The following ZBTB38 variants were observed in gnomAD, a reference collection of about 807,000 sequenced individuals.
ZBTB38 encodes zinc finger and BTB domain-containing protein 38.
A neutral mutation model predicts 76.8 loss-of-function variants in ZBTB38; 20 were observed. The ratio of observed to expected loss-of-function variants is 0.26; its 90% CI spans 0.18 to 0.38. The LOEUF is 0.38. Ranked by LOEUF, ZBTB38 falls within the 10% of genes least tolerant of loss-of-function variation. The pLI is 1.00. For synonymous variants in ZBTB38, 504 were observed against 544.2 expected (o/e 0.93, Z 1.03); for missense variants, 1,082 against 1,482.3 (o/e 0.73, Z 4.43).
In ZBTB38 at chr3:141,358,981, G is replaced by T. The variant is rs536888825; in HGVS notation, c.-738-9640G>T. ...GGCGACCAAGGAGAGCCATTAGGAG[G>T]CCAGTGAGTAGCTGTTATGTGGTCA... On this transcript the variant is annotated intron_variant, in intron 1 of 7. Coordinates refer to the ZBTB38 transcript ENST00000509842. Among the ~76,000 whole-genome samples, 16 of 152,328 alleles carry T rather than the reference G, an allele frequency of 1.1e-4. No homozygotes were observed. In the East Asian group the frequency reaches 2.1e-3, roughly 20 times the overall value.
At chr3:141,377,360 G>A (rs1414994656) in intron 2 of ZBTB38, among the ~76,000 whole-genome samples, 2 of 152,212 alleles carry the variant, frequency 1.3e-5, no homozygotes, top group African/African-American at 2.4e-5. Context: ...AGCTCAGAAG[G>A]CCACAGAGCT....
intron 3 of ZBTB38, chr3:141,383,546 C>A (rs1010717319): frequency 6.6e-6 from 1 of 152,176 alleles, no homozygotes; most frequent in Non-Finnish European, 1.5e-5. Context: ...ACCAAGTATT[C>A]CTCTGGGACT....
rs77094062 is a variant in ZBTB38, at chr3:141,421,278, CTT to C, written c.-1+17266_-1+17267del. Reference sequence around the variant, plus strand: ...GAACCAGGAGTCTAGAAACTTCTCTCTTTTTTTTTTTTTTTTTTTTCTGTTTT... The same window carrying C: ...GAACCAGGAGTCTAGAAACTTCTCTCTTTTTTTTTTTTTTTTTTCTGTTTT... On this transcript the variant is annotated intron_variant, in intron 5 of 5. Coordinates refer to ENST00000321464, the MANE Select transcript of ZBTB38 (RefSeq NM_001376113.1). Among the ~76,000 whole-genome samples, 137 of 125,666 alleles carry C rather than the reference CTT, an allele frequency of 1.1e-3. 1 individual carries two copies. Among genetic ancestry groups the C allele is most frequent in the East Asian group, 8.0e-3 (35 of 4,390 alleles). The allele number at this position is 125,666 out of a possible 152,430, so 82.4% of individuals were successfully genotyped here. A position where few individuals can be genotyped will look rare whatever the true frequency, so the allele number is the denominator to read the frequency against.
At chr3:141,332,502 C>G (rs995591466) in intron 1 of ZBTB38, among the ~76,000 whole-genome samples, 6 of 152,230 alleles carry the variant, frequency 3.9e-5, no homozygotes, top group Non-Finnish European at 7.3e-5. Context: ...AAACTTGGCA[C>G]AGGCTCTCAC....
chr3:141,374,971 G>A (rs941989493), intron 2 of ZBTB38, among the ~76,000 whole-genome samples: 1 of 152,206 alleles, frequency 6.6e-6, no homozygotes, highest in Non-Finnish European at 1.5e-5. Flanking sequence ...AAGCTCTGAG[G>A]AGGAGCCTGG....
In ZBTB38 at chr3:141,443,895, A is replaced by G. The variant is rs1462354568; in HGVS notation, c.1507A>G (p.Arg503Gly). Reference sequence around the variant, plus strand: ...CAAAGTATTTGCATTGGCTGAGTACAGGACAAGGCATGAAATTTGGCATAC... The same window carrying G: ...CAAAGTATTTGCATTGGCTGAGTACGGGACAAGGCATGAAATTTGGCATAC... The part of the protein sequence containing the change: ...CNKVFALAEY[R>G]TRHEIWHTGE... Residue 503 changes from arginine (R) to glycine (G), a missense_variant, in exon 6 of 6, where the codon AGG (arginine) becomes GGG (glycine). This residue lies in a region of ZBTB38 where 60 missense variants were observed against 126.0 expected (regional missense o/e 0.48). Coordinates refer to ENST00000321464, the MANE Select transcript of ZBTB38 (RefSeq NM_001376113.1). This position sits in a 1 kb window ranked among gnomAD's most constrained non-coding sequence, Gnocchi z 5.6. The G allele has an allele frequency of 6.2e-7, 1 of 1,614,056 alleles. No individual in the cohort carries two copies. Among genetic ancestry groups the G allele is most frequent in the Non-Finnish European group, 8.5e-7 (1 of 1,180,052 alleles).
At chr3:141,418,196 T>C (rs1254900116) in intron 5 of ZBTB38, among the ~76,000 whole-genome samples, 5 of 151,948 alleles carry the variant, frequency 3.3e-5, no homozygotes, top group Admixed American at 2.6e-4. Flanking sequence ...TCATCCAGTA[T>C]TGGAAACTTT....
At chr3:141,426,306 A>C in intron 5 of ZBTB38, 4 of 691,854 alleles carry the variant, frequency 5.8e-6, no homozygotes, top group Non-Finnish European at 8.7e-6. Flanking sequence ...CAGTGATATC[A>C]TTGATCTCAA....
intron 5 of ZBTB38, among the ~76,000 whole-genome samples, chr3:141,409,252 G>C (rs1311425163): frequency 1.3e-5 from 2 of 152,066 alleles, no homozygotes; most frequent in African/African-American, 4.8e-5. Flanking sequence ...CACCACGTTG[G>C]CCAGGCTGGT....
At chr3:141,426,887 G>A (rs184476870) in intron 5 of ZBTB38, among the ~76,000 whole-genome samples, 187 of 151,544 alleles carry the variant, frequency 1.2e-3, no homozygotes, top group Middle Eastern at 3.4e-3. Context: ...AACTTGTTTG[G>A]GCTGTAATAG....
At chr3:141,398,226 G>A (rs1403868336) in intron 4 of ZBTB38, among the ~76,000 whole-genome samples, 1 of 152,188 alleles carries the variant, frequency 6.6e-6, no homozygotes, top group African/African-American at 2.4e-5. Flanking sequence ...GGCCCTATTG[G>A]CCAGATTCAG....
chr3:141,432,283 T>C, intron 5 of ZBTB38: 1 of 985,134 alleles, frequency 1.0e-6, no homozygotes, highest in South Asian at 4.7e-5. Context: ...TTTAGTTAGG[T>C]TTTATTTCTA....
At chr3:141,416,640 G>A (rs373405499) in intron 5 of ZBTB38, among the ~76,000 whole-genome samples, 16 of 152,230 alleles carry the variant, frequency 1.1e-4, no homozygotes, top group African/African-American at 3.6e-4. Flanking sequence ...GAACCCGTGA[G>A]TGTGACCTAA....
At chr3:141,380,438 A>C (rs769902027) in intron 2 of ZBTB38, among the ~76,000 whole-genome samples, 11 of 152,234 alleles carry the variant, frequency 7.2e-5, no homozygotes, top group Non-Finnish European at 1.5e-4. Context: ...AAAGATTTTC[A>C]TAGAGATTTT....
chr3:141,337,954 A>C (rs191642352), intron 1 of ZBTB38, among the ~76,000 whole-genome samples: 2 of 152,324 alleles, frequency 1.3e-5, no homozygotes, highest in Non-Finnish European at 2.9e-5. Context: ...ATATTCATTG[A>C]ATGTCTATCA....
chr3:141,391,452 T>G (rs1281527388), intron 4 of ZBTB38, among the ~76,000 whole-genome samples: 1 of 152,144 alleles, frequency 6.6e-6, no homozygotes, highest in South Asian at 2.1e-4. Context: ...TCCCCTACAG[T>G]AAGAGGATGG....
chr3:141,417,455 T>C (rs1227257688), intron 5 of ZBTB38, among the ~76,000 whole-genome samples: 1 of 152,214 alleles, frequency 6.6e-6, no homozygotes, highest in Non-Finnish European at 1.5e-5. Context: ...GTAGCACATC[T>C]AAACGCAGTA....
At chr3:141,409,611 G>A (rs560266868) in intron 5 of ZBTB38, among the ~76,000 whole-genome samples, 5 of 152,308 alleles carry the variant, frequency 3.3e-5, no homozygotes, top group African/African-American at 7.2e-5. Context: ...TGCCAGGTAG[G>A]AGATCAGGAC....
chr3:141,394,619 C>T (rs1949907208), intron 4 of ZBTB38, among the ~76,000 whole-genome samples: 1 of 152,052 alleles, frequency 6.6e-6, no homozygotes, highest in African/African-American at 2.4e-5. Flanking sequence ...CTCTGGGAGC[C>T]CCCAGAGCCT....
Sources: gnomAD v4.1 joint callset for allele counts (sites outside exome capture counted in the v4.1 genomes callset) on GRCh38, gnomAD v4.1.1 for gene constraint, gnomAD v4.1.1 regional missense constraint, Gnocchi (gnomAD v3.1) non-coding constraint, MANE v1.5 for transcripts, NCBI Gene and HGNC (gene_info 2026-07-23, HGNC 2026-07-21) for gene names.